The following PTK2 variants were observed in gnomAD, a reference collection of about 807,000 sequenced individuals.
The protein encoded by PTK2 is protein tyrosine kinase 2, also known as focal adhesion kinase 1.
In PTK2, 45 loss-of-function variants were observed where a neutral mutation model predicts 150.1. That is an observed-to-expected ratio of 0.30 (90% CI 0.24 to 0.38). PTK2 has a LOEUF of 0.38. Among genes scored for constraint, PTK2 ranks in the 10% least tolerant of loss-of-function variants. The pLI, the probability that PTK2 is intolerant of heterozygous loss-of-function variation, is 1.00. For synonymous variants in PTK2, 432 were observed against 449.2 expected (o/e 0.96, Z 0.48); for missense variants, 919 against 1,307.3 (o/e 0.70, Z 4.58).
At chr8:140,739,577 A>T (rs1189677717) in intron 20 of PTK2, among the ~76,000 whole-genome samples, 1 of 152,224 alleles carries the variant, frequency 6.6e-6, no homozygotes, top group African/African-American at 2.4e-5. Flanking sequence ...CTCAGGAGAA[A>T]TATGTACACA....
At chr8:141,000,087 T>TCACACACACACACACACA (rs71310820) in intron 1 of PTK2, among the ~76,000 whole-genome samples, 26 of 81,648 alleles carry the variant, frequency 3.2e-4, no homozygotes, top group Admixed American at 5.2e-4. Context: ...TGAAACCAAT[T>TCACACACACACACACACA]CACACACACA....
intron 1 of PTK2, among the ~76,000 whole-genome samples, chr8:140,931,901 C>A (rs1028801617): frequency 1.4e-5 from 2 of 144,808 alleles, no homozygotes; most frequent in Admixed American, 1.4e-4. Context: ...CCACTGCACT[C>A]CAGCCTGGGC....
At chr8:140,791,305 G>A (rs1275537579) in intron 13 of PTK2, among the ~76,000 whole-genome samples, 1 of 152,176 alleles carries the variant, frequency 6.6e-6, no homozygotes, top group Non-Finnish European at 1.5e-5. Flanking sequence ...TCCTGCCTCA[G>A]CCTCAGAACC....
chr8:140,673,137 T>C (rs541366465), intron 29 of PTK2, among the ~76,000 whole-genome samples: 73 of 152,134 alleles, frequency 4.8e-4, no homozygotes, highest in Non-Finnish European at 8.4e-4. Context: ...AGACGGAATC[T>C]TGCTCTGTCG....
At chr8:140,937,466 C>A (rs1426663071) in intron 1 of PTK2, among the ~76,000 whole-genome samples, 1 of 151,830 alleles carries the variant, frequency 6.6e-6, no homozygotes, top group African/African-American at 2.4e-5. Flanking sequence ...TTACACGTGG[C>A]TTAAAGTATA....
chr8:140,756,057 G>C (rs1176619341), intron 16 of PTK2, among the ~76,000 whole-genome samples: 1 of 152,142 alleles, frequency 6.6e-6, no homozygotes, highest in East Asian at 1.9e-4. Flanking sequence ...GGGCATGGTG[G>C]CTCACATCTG....
At position 140,977,345 on chromosome 8, in the gene PTK2, T is replaced by C. The variant is rs73356566; in HGVS notation, c.-122+23780A>G. On this transcript the variant is annotated intron_variant, in intron 1 of 31. Transcript: ENST00000522684. ...GAGGTCAAGACTGCAGTGTGCAGCA[T>C]GGGCGCGGTAGCTCACGTCTGTAAT... 3.4e-3 allele frequency among the ~76,000 whole-genome samples: 521 copies of C among 152,206 alleles called. 6 individuals are homozygous for C. Among genetic ancestry groups the C allele is most frequent in the African/African-American group, 0.012 (483 of 41,514 alleles).
intron 1 of PTK2, among the ~76,000 whole-genome samples, chr8:140,966,176 T>C (rs2100185209): frequency 6.6e-6 from 1 of 152,222 alleles, no homozygotes. Flanking sequence ...CCACATCTAC[T>C]TTTTGTTCAC....
intron 27 of PTK2, among the ~76,000 whole-genome samples, chr8:140,676,413 A>ATTAATTAATTAATTAATTAAT: frequency 1.0e-5 from 1 of 99,452 alleles, no homozygotes; most frequent in South Asian, 3.1e-4. Flanking sequence ...TTAATTAATT[A>ATTAATTAATTAATTAATTAAT]ATATATATAT....
chr8:140,683,383 C>G (rs2100018121), intron 27 of PTK2, among the ~76,000 whole-genome samples: 1 of 152,068 alleles, frequency 6.6e-6, no homozygotes, highest in Admixed American at 6.6e-5. Flanking sequence ...CACCAAAAGC[C>G]CAGGACCAGA....
rs551582939 is a variant in PTK2, at chr8:140,709,718, A to G, written c.2143-3513T>C. ...CAACTGCTGGTAAGTACGATGAGTT[A>G]GCAAGGTCATGACACTTCCTCCTCC... On this transcript the variant is annotated intron_variant, in intron 23 of 31. Coordinates refer to ENST00000522684, the Ensembl canonical transcript of PTK2. 2.3e-4 allele frequency among the ~76,000 whole-genome samples: 35 copies of G among 152,264 alleles called. 1 individual carries two copies. Among genetic ancestry groups the G allele is most frequent in the South Asian group, 1.0e-3 (5 of 4,834 alleles).
chr8:140,954,046 T>C (rs1246519735), intron 1 of PTK2, among the ~76,000 whole-genome samples: 2 of 151,968 alleles, frequency 1.3e-5, no homozygotes, highest in East Asian at 1.9e-4. Flanking sequence ...CGGCTCACTG[T>C]AACCTCCACC....
At chr8:140,743,387 G>T in intron 19 of PTK2, 57 bp from the exon 23 acceptor site, 1 of 1,410,414 alleles carries the variant, frequency 7.1e-7, no homozygotes, top group Non-Finnish European at 1.0e-6. Context: ...AAACATACAA[G>T]CTCATATATA....
At chr8:140,823,714 A>C (rs185598841) in intron 8 of PTK2, among the ~76,000 whole-genome samples, 1 of 152,262 alleles carries the variant, frequency 6.6e-6, no homozygotes, top group Admixed American at 6.5e-5. Flanking sequence ...CTAGTTCACT[A>C]CTTACACAGC....
At chr8:140,862,075 CA>C (rs2100136511) in intron 5 of PTK2, among the ~76,000 whole-genome samples, 2 of 151,966 alleles carry the variant, frequency 1.3e-5, no homozygotes, top group South Asian at 4.2e-4. Context: ...AGTCTTCCAA[CA>C]AAGAAAAAGT....
intron 8 of PTK2, chr8:140,822,242 A>G (rs1467034975): frequency 6.6e-6 from 1 of 152,174 alleles, no homozygotes; most frequent in Non-Finnish European, 1.5e-5. Flanking sequence ...ACAGGTATCT[A>G]TTCTCAATAA....
At chr8:140,840,524 A>G (rs2100121719) in intron 7 of PTK2, among the ~76,000 whole-genome samples, 1 of 152,196 alleles carries the variant, frequency 6.6e-6, no homozygotes, top group African/African-American at 2.4e-5. Context: ...AGGTGTTTAA[A>G]GGTCCTTGTA....
At chr8:140,703,426 G>A (rs918434790) in intron 24 of PTK2, among the ~76,000 whole-genome samples, 3 of 152,138 alleles carry the variant, frequency 2.0e-5, no homozygotes, top group South Asian at 2.1e-4. Flanking sequence ...GAGAGCTAGT[G>A]CAAATATATA....
intron 1 of PTK2, among the ~76,000 whole-genome samples, chr8:140,969,070 C>A (rs2100186305): frequency 6.6e-6 from 1 of 152,146 alleles, no homozygotes. Flanking sequence ...AACTAGAAAG[C>A]CTGAACAGAG....
Sources: gnomAD v4.1 joint callset for allele counts (sites outside exome capture counted in the v4.1 genomes callset) on GRCh38, gnomAD v4.1.1 for gene constraint, MANE v1.5 for transcripts, NCBI Gene and HGNC (gene_info 2026-07-23, HGNC 2026-07-21) for gene names.